Variants in SHISAL1 observed in about 807,000 individuals in gnomAD.
SHISAL1 encodes the protein protein shisa-like-1.
Under a neutral mutation model 22.6 loss-of-function variants are expected in SHISAL1, and 9 were observed. That is an observed-to-expected ratio of 0.40 (90% CI 0.24 to 0.70). The LOEUF is 0.70. Ranked by LOEUF, SHISAL1 falls within the 30% of genes least tolerant of loss-of-function variation. The probability of loss-of-function intolerance (pLI) is 0.39; values close to 1 mark genes in which losing one functional copy is unlikely to be tolerated. For missense variants in SHISAL1, 246 were observed against 270.6 expected (o/e 0.91, Z 0.64); for synonymous variants, 119 against 115.4 (o/e 1.03, Z -0.20).
upstream of SHISAL1, among the ~76,000 whole-genome samples, chr22:44,313,504 G>A (rs1366439329): frequency 6.6e-6 from 1 of 152,350 alleles, no homozygotes; most frequent in East Asian, 1.9e-4. Flanking sequence ...TCCCCACCCA[G>A]CAGCAGAGGG....
At chr22:44,319,303 TTG>T in the SHISAL1 span, among the ~76,000 whole-genome samples, 27 of 152,264 alleles carry the variant, frequency 1.8e-4, no homozygotes, top group African/African-American at 5.3e-4. Flanking sequence ...CTCGGAGAGA[TTG>T]TGTTGCCTGC....
chr22:44,303,046 G>A (rs78064240), intron 1 of SHISAL1, among the ~76,000 whole-genome samples: 1,861 of 148,658 alleles, frequency 0.013, 59 homozygotes, highest in African/African-American at 0.04. Flanking sequence ...TCCCATAGGA[G>A]TTGGAAACGG....
At chr22:44,317,644 C>T (rs1569230303), upstream of SHISAL1, among the ~76,000 whole-genome samples, 1 of 152,206 alleles carries the variant, frequency 6.6e-6, no homozygotes, top group Non-Finnish European at 1.5e-5. Context: ...GGGCTGTTCC[C>T]ATGGGGGCCG....
intron 3 of SHISAL1, among the ~76,000 whole-genome samples, chr22:44,296,347 A>G (rs1194648106): frequency 1.3e-5 from 2 of 152,132 alleles, no homozygotes; most frequent in African/African-American, 4.8e-5. Flanking sequence ...TTTAGTAGAG[A>G]TGGGGTTTCA....
intron 4 of SHISAL1, among the ~76,000 whole-genome samples, chr22:44,271,045 G>C (rs1413685959): frequency 1.3e-5 from 2 of 152,188 alleles, no homozygotes; most frequent in African/African-American, 2.4e-5. Context: ...AAAGAGGATA[G>C]ATTTTGGGGG....
intron 4 of SHISAL1, among the ~76,000 whole-genome samples, chr22:44,252,162 G>A (rs1231112419): frequency 1.3e-5 from 2 of 152,180 alleles, no homozygotes; most frequent in Non-Finnish European, 2.9e-5. Flanking sequence ...GTGGAGATGA[G>A]AAGCAGGGAG....
chr22:44,282,572 C>T (rs1344988330), intron 4 of SHISAL1, among the ~76,000 whole-genome samples: 1 of 152,190 alleles, frequency 6.6e-6, no homozygotes, highest in Admixed American at 6.5e-5. Context: ...CCCTGAGGAG[C>T]TGGAGAAGCT....
chr22:44,296,638 G>C (rs1285434181), intron 3 of SHISAL1, 34 bp downstream of exon 3: 1 of 1,594,388 alleles, frequency 6.3e-7, no homozygotes, highest in South Asian at 1.1e-5. Context: ...TGGGGCCCGA[G>C]GCAGTGGGGT....
At chr22:44,283,338 T>A (rs1477865919) in intron 4 of SHISAL1, among the ~76,000 whole-genome samples, 1 of 152,260 alleles carries the variant, frequency 6.6e-6, no homozygotes, top group African/African-American at 2.4e-5. Flanking sequence ...GGAGCTCAGC[T>A]GCCCACTCAG....
intron 3 of SHISAL1, among the ~76,000 whole-genome samples, chr22:44,295,950 T>A (rs897060241): frequency 1.3e-5 from 2 of 152,200 alleles, no homozygotes; most frequent in African/African-American, 4.8e-5. Flanking sequence ...TTTAATCACC[T>A]TAAGGAAAAG....
intron 2 of SHISAL1, among the ~76,000 whole-genome samples, chr22:44,299,295 G>A (rs966145694): frequency 3.9e-5 from 6 of 152,206 alleles, no homozygotes; most frequent in African/African-American, 7.2e-5. Flanking sequence ...AACCATGAAC[G>A]CACCCCTGTG....
At chr22:44,278,581 G>A (rs1808480225) in intron 4 of SHISAL1, among the ~76,000 whole-genome samples, 1 of 152,184 alleles carries the variant, frequency 6.6e-6, no homozygotes, top group Admixed American at 6.5e-5. Flanking sequence ...CCCAGGGGCG[G>A]CCTGTGTGCT....
intron 4 of SHISAL1, among the ~76,000 whole-genome samples, chr22:44,278,416 CCTGA>C (rs993493590): frequency 1.3e-5 from 2 of 152,180 alleles, no homozygotes; most frequent in African/African-American, 4.8e-5. Context: ...TCTAGGGAAC[CCTGA>C]CTAATACAGT....
intron 4 of SHISAL1, among the ~76,000 whole-genome samples, chr22:44,258,444 T>C (rs1164663182): frequency 6.6e-6 from 1 of 152,210 alleles, no homozygotes; most frequent in Non-Finnish European, 1.5e-5. Flanking sequence ...CCATTAGTTA[T>C]TTTTCCTGGT....
intron 4 of SHISAL1, among the ~76,000 whole-genome samples, chr22:44,251,652 G>A (rs1374097018): frequency 1.3e-5 from 2 of 152,202 alleles, no homozygotes; most frequent in East Asian, 3.8e-4. Context: ...GATGGTGGCA[G>A]GCAAAGAGAG....
intron 4 of SHISAL1, among the ~76,000 whole-genome samples, chr22:44,284,901 T>TCCTG (rs1471172410): frequency 3.9e-5 from 1 of 25,904 alleles, no homozygotes. Context: ...CTTCCTGCCT[T>TCCTG]CCTTCCTTCC....
intron 4 of SHISAL1, among the ~76,000 whole-genome samples, chr22:44,260,090 T>A (rs1429529184): frequency 6.6e-6 from 1 of 152,102 alleles, no homozygotes; most frequent in Middle Eastern, 3.2e-3. Context: ...TGAGAAGACA[T>A]ACAAGCAAGT....
intron 2 of SHISAL1, among the ~76,000 whole-genome samples, chr22:44,297,567 C>G (rs550854964): frequency 1.3e-5 from 2 of 152,378 alleles, no homozygotes; most frequent in African/African-American, 4.8e-5. Flanking sequence ...CCTCAGTCAC[C>G]CCCACCTCAC....
At chr22:44,257,847 A>G (rs1396290855) in intron 4 of SHISAL1, among the ~76,000 whole-genome samples, 1 of 152,188 alleles carries the variant, frequency 6.6e-6, no homozygotes, top group Non-Finnish European at 1.5e-5. Context: ...GCTTCTTTTT[A>G]AAAAACTTTT....
Sources: gnomAD v4.1 joint callset for allele counts (sites outside exome capture counted in the v4.1 genomes callset) on GRCh38, gnomAD v4.1.1 for gene constraint, MANE v1.5 for transcripts, NCBI Gene and HGNC (gene_info 2026-07-23, HGNC 2026-07-21) for gene names.